SEMA3A: variants seen among roughly 807,000 people sequenced by gnomAD.
SEMA3A encodes the protein semaphorin-3A.
SEMA3A carries 29 observed loss-of-function variants against 97.9 expected under a neutral mutation model. That is an observed-to-expected ratio of 0.30 (90% CI 0.22 to 0.40). The LOEUF (loss-of-function observed/expected upper bound fraction) is 0.40, where lower values mean the gene tolerates loss of function less well. Among genes scored for constraint, SEMA3A ranks in the 10% least tolerant of loss-of-function variants. The pLI, the probability that SEMA3A is intolerant of heterozygous loss-of-function variation, is 1.00. For missense variants in SEMA3A, 763 were observed against 951.3 expected, an observed-to-expected ratio of 0.80 and a Z score of 2.60; for synonymous variants, 321 against 323.7, an observed-to-expected ratio of 0.99 and a Z score of 0.09.
At chr7:84,281,264 G>A (rs1266546034) in intron 3 of SEMA3A, among the ~76,000 whole-genome samples, 11 of 152,162 alleles carry the variant, frequency 7.2e-5, no homozygotes, top group Non-Finnish European at 1.6e-4. Context: ...TTGGATTGAG[G>A]AGGCTGGGAG....
chr7:84,062,827 G>C (rs987317345), intron 4 of SEMA3A, among the ~76,000 whole-genome samples: 1 of 149,896 alleles, frequency 6.7e-6, no homozygotes, highest in African/African-American at 2.5e-5. Flanking sequence ...CTACAAGGCC[G>C]CAGCGAGGCG....
At chr7:84,331,717 A>AT (rs1219604931) in intron 2 of SEMA3A, among the ~76,000 whole-genome samples, 2 of 152,114 alleles carry the variant, frequency 1.3e-5, no homozygotes, top group Non-Finnish European at 2.9e-5. Context: ...GGAAAAAAAA[A>AT]ATAACACATT....
intron 5 of SEMA3A, among the ~76,000 whole-genome samples, 175 bp downstream of exon 5, chr7:84,060,290 C>T (rs2301890): frequency 1.3e-5 from 2 of 152,106 alleles, no homozygotes; most frequent in East Asian, 3.8e-4. Context: ...GTGCAATAAG[C>T]AAAATAGCAT....
At chr7:84,373,865 C>T (rs1004762111) in intron 1 of SEMA3A, among the ~76,000 whole-genome samples, 1 of 152,106 alleles carries the variant, frequency 6.6e-6, no homozygotes, top group African/African-American at 2.4e-5. Flanking sequence ...GTTTAAGTTA[C>T]ATTCATTAAC....
At chr7:84,251,512 A>G (rs1243240736) in intron 3 of SEMA3A, among the ~76,000 whole-genome samples, 2 of 152,198 alleles carry the variant, frequency 1.3e-5, no homozygotes, top group Non-Finnish European at 2.9e-5. Flanking sequence ...AAGTGAAGAC[A>G]GAGAGATTGT....
At chr7:84,368,042 G>GAA (rs1332439934) in intron 2 of SEMA3A, among the ~76,000 whole-genome samples, 1 of 151,118 alleles carries the variant, frequency 6.6e-6, no homozygotes, top group Non-Finnish European at 1.5e-5. Context: ...GTTGTAACTT[G>GAA]AGTATATAAG....
intron 4 of SEMA3A, among the ~76,000 whole-genome samples, chr7:84,065,001 T>C (rs989320148): frequency 3.9e-5 from 6 of 152,264 alleles, no homozygotes; most frequent in African/African-American, 1.2e-4. Flanking sequence ...TATTCCAAAA[T>C]TGACCACATA....
intron 1 of SEMA3A, among the ~76,000 whole-genome samples, chr7:84,410,523 T>C (rs1240577521): frequency 6.6e-6 from 1 of 152,044 alleles, no homozygotes; most frequent in East Asian, 1.9e-4. Flanking sequence ...TATTTTAGTT[T>C]TAAGGAGAGG....
intron 1 of SEMA3A, among the ~76,000 whole-genome samples, chr7:84,156,764 A>T (rs1796858593): frequency 1.3e-5 from 2 of 152,134 alleles, no homozygotes. Context: ...TATTTGAACG[A>T]AAGTCAAAGT....
chr7:84,254,872 C>T (rs1799683281), intron 3 of SEMA3A, among the ~76,000 whole-genome samples: 1 of 151,972 alleles, frequency 6.6e-6, no homozygotes, highest in Non-Finnish European at 1.5e-5. Flanking sequence ...CACATATGAA[C>T]CAAAAGACAT....
chr7:84,203,300 C>T (rs58513095), intron 3 of SEMA3A, among the ~76,000 whole-genome samples: 8,298 of 151,278 alleles, frequency 0.055, 308 homozygotes, highest in Middle Eastern at 0.062. Flanking sequence ...CCTCAGTGGA[C>T]TCTAAATTCA....
chr7:84,269,529 G>A (rs767902785), intron 3 of SEMA3A, among the ~76,000 whole-genome samples: 4 of 152,136 alleles, frequency 2.6e-5, no homozygotes, highest in South Asian at 4.1e-4. Context: ...TTTAAATCAC[G>A]AAAGGGTAGG....
At chr7:84,160,077 T>C (rs1380911637) in intron 1 of SEMA3A, among the ~76,000 whole-genome samples, 1 of 152,144 alleles carries the variant, frequency 6.6e-6, no homozygotes, top group African/African-American at 2.4e-5. Context: ...TCTTAAAATC[T>C]GAGGTATCAA....
At chr7:84,361,255 C>T (rs983599955) in intron 2 of SEMA3A, among the ~76,000 whole-genome samples, 1 of 151,914 alleles carries the variant, frequency 6.6e-6, no homozygotes, top group African/African-American at 2.4e-5. Flanking sequence ...TCATGAAGTG[C>T]TGAGAATGTT....
chr7:84,135,242 C>G (rs1193635994), intron 1 of SEMA3A, among the ~76,000 whole-genome samples: 7 of 151,668 alleles, frequency 4.6e-5, no homozygotes, highest in Admixed American at 3.9e-4. Flanking sequence ...TCCCGAGTAG[C>G]TGGGATTACA....
intron 3 of SEMA3A, among the ~76,000 whole-genome samples, chr7:84,117,937 G>A (rs1327875692): frequency 1.3e-5 from 2 of 152,118 alleles, no homozygotes; most frequent in African/African-American, 2.4e-5. Context: ...TTAATTGATA[G>A]GTAACTGGTT....
chr7:84,447,994 G>C (rs573437918), intron 1 of SEMA3A, among the ~76,000 whole-genome samples: 31 of 152,216 alleles, frequency 2.0e-4, no homozygotes, highest in Non-Finnish European at 4.4e-4. Flanking sequence ...CTGGCACCTG[G>C]ATTTGCCCAC....
At chr7:84,474,976 G>C (rs1806243857) in intron 1 of SEMA3A, among the ~76,000 whole-genome samples, 1 of 152,078 alleles carries the variant, frequency 6.6e-6, no homozygotes, top group Non-Finnish European at 1.5e-5. Context: ...GAAAAGAGAA[G>C]GAAATAGGAT....
At chr7:84,322,974 G>T (rs1292780384) in intron 2 of SEMA3A, among the ~76,000 whole-genome samples, 1 of 152,092 alleles carries the variant, frequency 6.6e-6, no homozygotes, top group Admixed American at 6.5e-5. Flanking sequence ...TTCTACCACT[G>T]CATTCACTGG....
Sources: gnomAD v4.1 joint callset for allele counts (sites outside exome capture counted in the v4.1 genomes callset) on GRCh38, gnomAD v4.1.1 for gene constraint, MANE v1.5 for transcripts, NCBI Gene and HGNC (gene_info 2026-07-23, HGNC 2026-07-21) for gene names.